The following CHST11 variants were observed in gnomAD, a reference collection of about 807,000 sequenced individuals.
CHST11 encodes carbohydrate sulfotransferase 11, also known as C4S-1.
CHST11 carries 9 observed loss-of-function variants against 30.4 expected under a neutral mutation model. That is an observed-to-expected ratio of 0.30 (90% CI 0.18 to 0.52). CHST11 has a LOEUF of 0.52. Ranked by LOEUF, CHST11 falls within the 20% of genes least tolerant of loss-of-function variation. CHST11 has a pLI of 0.97. For synonymous variants in CHST11, 152 were observed against 187.8 expected (o/e 0.81, Z 1.56); for missense variants, 348 against 460.6 (o/e 0.76, Z 2.24).
At chr12:104,543,009 A>G (rs61940005) in intron 1 of CHST11, among the ~76,000 whole-genome samples, 12,068 of 152,244 alleles carry the variant, frequency 0.079, 551 homozygotes, top group South Asian at 0.14. Context: ...AGGCTGGGCA[A>G]TTTATAGAGG....
chr12:104,534,712 A>T (rs1270644912), intron 1 of CHST11, among the ~76,000 whole-genome samples: 1 of 152,176 alleles, frequency 6.6e-6, no homozygotes, highest in Non-Finnish European at 1.5e-5. Flanking sequence ...CCTGGCCTTG[A>T]AGCTCTGCTA....
rs757451439 is a variant in CHST11 at position 104,757,802 on chromosome 12, A to G, written c.1058A>G (p.Ter353=). 1.9e-5 allele frequency: 30 copies of G among 1,609,148 alleles called. No individual in the cohort carries two copies. The South Asian group carries it at 2.7e-4, about 15-fold the overall frequency. Reference sequence around the variant, plus strand: ...GTGCCAAGCTACCTGAAATTGGAATAAAGGGGGTGGGGAGAGGGAGAGAAT... The same window carrying G: ...GTGCCAAGCTACCTGAAATTGGAATGAAGGGGGTGGGGAGAGGGAGAGAAT... The part of the protein sequence containing the change: ...YSVPSYLKLE[*] The change falls in exon 3 of 3, where the codon TAA becomes TGA. Residue 353 remains the stop codon, a stop_retained_variant. Transcript: ENST00000303694. This position sits in a 1 kb window ranked among gnomAD's most constrained non-coding sequence, Gnocchi z 6.5.
intron 2 of CHST11, among the ~76,000 whole-genome samples, chr12:104,715,848 C>T (rs1218854474): frequency 1.3e-5 from 2 of 152,182 alleles, no homozygotes; most frequent in East Asian, 3.8e-4. Context: ...AATAAATGAG[C>T]TCGTGTGTGT....
chr12:104,535,852 A>T (rs1203201428), intron 1 of CHST11, among the ~76,000 whole-genome samples: 1 of 152,218 alleles, frequency 6.6e-6, no homozygotes, highest in East Asian at 1.9e-4. Flanking sequence ...TATGAAAGAG[A>T]TCATAACTCT....
intron 1 of CHST11, among the ~76,000 whole-genome samples, chr12:104,503,306 T>A (rs1433217226): frequency 6.6e-6 from 1 of 152,216 alleles, no homozygotes; most frequent in East Asian, 1.9e-4. Flanking sequence ...GGTAGGAGTA[T>A]GTCCATTCAG....
intron 2 of CHST11, among the ~76,000 whole-genome samples, chr12:104,663,474 C>A (rs971712382): frequency 6.6e-6 from 1 of 152,128 alleles, no homozygotes; most frequent in African/African-American, 2.4e-5. Flanking sequence ...TGATAAATAT[C>A]TTTCCAGACT....
chr12:104,593,236 A>T (rs938732082), intron 1 of CHST11, among the ~76,000 whole-genome samples: 31 of 152,154 alleles, frequency 2.0e-4, no homozygotes, highest in Non-Finnish European at 7.3e-5. Context: ...AATGGCTATG[A>T]TATAGGTTCA....
intron 2 of CHST11, among the ~76,000 whole-genome samples, chr12:104,623,024 G>A (rs1173732450): frequency 6.6e-6 from 1 of 152,206 alleles, no homozygotes; most frequent in Non-Finnish European, 1.5e-5. Flanking sequence ...GTCAGCAGAC[G>A]TTTTCTGTAA....
chr12:104,655,647 CAG>C (rs1187481047), intron 2 of CHST11, among the ~76,000 whole-genome samples: 4 of 152,134 alleles, frequency 2.6e-5, no homozygotes, highest in African/African-American at 9.7e-5. Flanking sequence ...AACAGAGAAA[CAG>C]TGTTACGAGC....
intron 1 of CHST11, among the ~76,000 whole-genome samples, chr12:104,479,585 G>A (rs952911141): frequency 5.9e-5 from 9 of 152,148 alleles, no homozygotes; most frequent in African/African-American, 1.9e-4. Flanking sequence ...TCCAAGACAG[G>A]CATCAGATCT....
chr12:104,705,842 C>T (rs899106987), intron 2 of CHST11, among the ~76,000 whole-genome samples: 5 of 151,516 alleles, frequency 3.3e-5, no homozygotes, highest in Admixed American at 6.6e-5. Context: ...ATTGCCTGAG[C>T]CTGGGAGGCA....
At chr12:104,753,912 C>T (rs1270474940) in intron 2 of CHST11, among the ~76,000 whole-genome samples, 1 of 152,236 alleles carries the variant, frequency 6.6e-6, no homozygotes, top group Non-Finnish European at 1.5e-5. Flanking sequence ...TGAGGATCTC[C>T]TTTGCATAGG....
chr12:104,539,521 A>G (rs577083053), intron 1 of CHST11, among the ~76,000 whole-genome samples: 1 of 152,298 alleles, frequency 6.6e-6, no homozygotes, highest in Non-Finnish European at 1.5e-5. Flanking sequence ...TGAAAGTGGG[A>G]TGGCTGAACA....
chr12:104,583,614 G>A (rs2038770037), intron 1 of CHST11, among the ~76,000 whole-genome samples: 1 of 152,134 alleles, frequency 6.6e-6, no homozygotes, highest in Admixed American at 6.5e-5. Flanking sequence ...TACCCCTTCA[G>A]CACTTCTTGA....
At chr12:104,740,315 G>A (rs770793728) in intron 2 of CHST11, among the ~76,000 whole-genome samples, 29 of 152,320 alleles carry the variant, frequency 1.9e-4, no homozygotes, top group Non-Finnish European at 3.8e-4. Flanking sequence ...CTCTGAGGTT[G>A]ATGGAAGGTA....
intron 1 of CHST11, among the ~76,000 whole-genome samples, chr12:104,525,095 C>A (rs1405747729): frequency 7.4e-6 from 1 of 135,410 alleles, no homozygotes; most frequent in African/African-American, 2.8e-5. Flanking sequence ...GAATTCTTTC[C>A]TTTTTTCTTT....
At chr12:104,501,868 T>C (rs908406720) in intron 1 of CHST11, among the ~76,000 whole-genome samples, 2 of 152,198 alleles carry the variant, frequency 1.3e-5, no homozygotes, top group African/African-American at 4.8e-5. Context: ...CTTCAGTCAC[T>C]GTGGAAATTG....
chr12:104,641,863 T>C (rs1248760987), intron 2 of CHST11, among the ~76,000 whole-genome samples: 1 of 152,194 alleles, frequency 6.6e-6, no homozygotes, highest in East Asian at 1.9e-4. Flanking sequence ...CACCTTGATC[T>C]GGCACTTCTA....
At chr12:104,539,265 A>G (rs1419111540) in intron 1 of CHST11, among the ~76,000 whole-genome samples, 3 of 152,198 alleles carry the variant, frequency 2.0e-5, no homozygotes, top group Non-Finnish European at 4.4e-5. Context: ...GACCTTGGGC[A>G]GGTTACTTCA....
Sources: gnomAD v4.1 joint callset for allele counts (sites outside exome capture counted in the v4.1 genomes callset) on GRCh38, gnomAD v4.1.1 for gene constraint, Gnocchi (gnomAD v3.1) non-coding constraint, MANE v1.5 for transcripts, NCBI Gene and HGNC (gene_info 2026-07-23, HGNC 2026-07-21) for gene names.